ADAM7: variants seen among roughly 807,000 people sequenced by gnomAD.
The protein encoded by ADAM7 is disintegrin and metalloproteinase domain-containing protein 7.
Under a neutral mutation model 102.9 loss-of-function variants are expected in ADAM7, and 97 were observed. That is an observed-to-expected ratio of 0.94 (90% CI 0.80 to 1.12). ADAM7 has a LOEUF of 1.12. Among genes scored for constraint, ADAM7 ranks in the 50% most tolerant of loss-of-function variants. The pLI, the probability that ADAM7 is intolerant of heterozygous loss-of-function variation, is 0.00. For synonymous variants in ADAM7, 334 were observed against 304.4 expected, an observed-to-expected ratio of 1.10 and a Z score of -1.01; for missense variants, 991 against 908.7, an observed-to-expected ratio of 1.09 and a Z score of -1.16.
At chr8:24,485,147 A>G (rs1217583979) in intron 9 of ADAM7, 130 bp from the exon 10 acceptor site, 2 of 810,130 alleles carry the variant, frequency 2.5e-6, no homozygotes, top group Non-Finnish European at 4.0e-6. Flanking sequence ...CTCAATTCCA[A>G]AACTCCAGAA....
intron 9 of ADAM7, 81 bp from the exon 10 acceptor site, chr8:24,485,196 C>A: frequency 7.9e-7 from 1 of 1,271,082 alleles, no homozygotes; most frequent in Non-Finnish European, 1.1e-6. Flanking sequence ...ATTGGCATTG[C>A]TGGGGTTCAC....
At chr8:24,499,637 T>C (rs1452799557) in intron 17 of ADAM7, among the ~76,000 whole-genome samples, 6 of 152,156 alleles carry the variant, frequency 3.9e-5, no homozygotes, top group Admixed American at 3.3e-4. Flanking sequence ...ACATATCTTA[T>C]AGTTAAATTA....
chr8:24,482,975 T>G (rs1820011230), intron 9 of ADAM7, among the ~76,000 whole-genome samples: 1 of 152,100 alleles, frequency 6.6e-6, no homozygotes, highest in Non-Finnish European at 1.5e-5. Flanking sequence ...TCTTCCAAAA[T>G]CTGCCTTTCT....
chr8:24,493,730 G>A (rs981329048), intron 16 of ADAM7, among the ~76,000 whole-genome samples: 6 of 152,136 alleles, frequency 3.9e-5, no homozygotes, highest in Non-Finnish European at 5.9e-5. Context: ...GGCTGACTTT[G>A]CTCAGAGAAG....
At chr8:24,496,425 G>A (rs1820555705) in intron 16 of ADAM7, among the ~76,000 whole-genome samples, 1 of 152,154 alleles carries the variant, frequency 6.6e-6, no homozygotes, top group Non-Finnish European at 1.5e-5. Context: ...GTAAGAAGAG[G>A]GCCAATGTCC....
chr8:24,467,836 G>A lies in ADAM7; in HGVS notation c.579+848G>A, dbSNP rs186848181. Among the ~76,000 whole-genome samples the A allele has an allele frequency of 3.4e-3, 519 of 151,988 alleles. 1 individual carries two copies. Among genetic ancestry groups the A allele is most frequent in the Middle Eastern group, 0.017 (5 of 294 alleles). ...TCCCAACACTTTGGGAGGCTGAGGC[G>A]GGCCGATCATCTGAGGTCAGAATTC... On this transcript the variant is annotated intron_variant, in intron 6 of 21. Transcript: ENST00000175238.
chr8:24,447,315 C>A (rs1818598596), intron 3 of ADAM7, 53 bp downstream of exon 3: 4 of 1,091,380 alleles, frequency 3.7e-6, no homozygotes, highest in Admixed American at 5.7e-5. Context: ...TTATGGTAAG[C>A]CAATTTTCGT....
intron 20 of ADAM7, among the ~76,000 whole-genome samples, chr8:24,503,236 T>C (rs1183409253): frequency 6.6e-6 from 1 of 152,136 alleles, no homozygotes; most frequent in Non-Finnish European, 1.5e-5. Flanking sequence ...TATGAAGATC[T>C]AAGAAAAATG....
chr8:24,485,026 G>A (rs1820088347), intron 9 of ADAM7, among the ~76,000 whole-genome samples: 3 of 151,756 alleles, frequency 2.0e-5, no homozygotes, highest in African/African-American at 2.4e-5. Context: ...GGATGGTCTC[G>A]ATCTCTTGAC....
chr8:24,503,714 A>G (rs893696051), intron 20 of ADAM7, among the ~76,000 whole-genome samples: 7 of 152,180 alleles, frequency 4.6e-5, no homozygotes, highest in African/African-American at 1.7e-4. Context: ...GGATGAGTTC[A>G]TGTCCTTTGC....
Position 24,452,407 on chromosome 8 carries a change from G to T in ADAM7, c.233+5145G>T, listed in dbSNP as rs1439453004. On this transcript the variant is annotated intron_variant, in intron 3 of 21. Transcript: ENST00000175238. ...TTGATCCCTTTACCATTATGTAATG[G>T]CCTTCTTTGTCTCTTTTGATCTTTG... Among the ~76,000 whole-genome samples, 604 of 148,146 alleles carry T rather than the reference G, an allele frequency of 4.1e-3. 3 individuals are homozygous for T. The highest frequency in any genetic ancestry group is 6.0e-3 in the Non-Finnish European group (399 of 66,442).
intron 4 of ADAM7, among the ~76,000 whole-genome samples, chr8:24,465,249 T>G (rs1819387240): frequency 6.6e-6 from 1 of 152,034 alleles, no homozygotes; most frequent in South Asian, 2.1e-4. Context: ...TTTTAACACA[T>G]GGAAATGATG....
At chr8:24,473,613 T>G (rs1819677499) in intron 7 of ADAM7, among the ~76,000 whole-genome samples, 1 of 152,080 alleles carries the variant, frequency 6.6e-6, no homozygotes, top group Non-Finnish European at 1.5e-5. Context: ...CCTGTAAGAG[T>G]GATTCCTTGA....
intron 16 of ADAM7, among the ~76,000 whole-genome samples, chr8:24,498,019 A>G (rs1159810888): frequency 2.0e-5 from 3 of 152,052 alleles, no homozygotes; most frequent in Non-Finnish European, 4.4e-5. Context: ...CTAATAAAAT[A>G]TATTGTAATA....
intron 16 of ADAM7, 151 bp from the exon 17 acceptor site, chr8:24,499,085 A>AC: frequency 1.7e-6 from 1 of 601,936 alleles, no homozygotes; most frequent in Non-Finnish European, 2.8e-6. Context: ...CAGTAGGAAA[A>AC]ATTACATAAC....
At position 24,470,709 on chromosome 8, in the gene ADAM7, A is replaced by C. The variant is rs1391197078; in HGVS notation, c.633+1889A>C. 2.6e-5 allele frequency among the ~76,000 whole-genome samples: 4 copies of C among 152,156 alleles called. No individual in the cohort carries two copies. In the East Asian group the frequency reaches 7.7e-4, roughly 29 times the overall value. The stretch of plus-strand genomic sequence containing the variant: ...TGTGTCTGTGGTGATGCTGGTGTAA[A>C]CAAACCTACTGCATTGCCAGTTGTA... On this transcript the variant is annotated intron_variant, in intron 7 of 21. Coordinates refer to ENST00000175238, the MANE Select transcript of ADAM7 (RefSeq NM_003817.4).
At chr8:24,500,346 C>T in intron 18 of ADAM7, 90 bp downstream of exon 18, 2 of 1,227,654 alleles carry the variant, frequency 1.6e-6, no homozygotes, top group South Asian at 1.4e-5. Flanking sequence ...TACTTATTTG[C>T]TGTGTTTTGA....
chr8:24,500,097 A>G (rs1820703721), intron 17 of ADAM7, 81 bp from the exon 18 acceptor site: 4 of 1,235,974 alleles, frequency 3.2e-6, no homozygotes, highest in Non-Finnish European at 4.6e-6. Context: ...TGTTTGATGT[A>G]GAGGTAGCAC....
At position 24,482,530 on chromosome 8, in the gene ADAM7, TTTAGCC is replaced by T. The variant is rs1819992067; in HGVS notation, c.875+221_875+226del. The stretch of plus-strand genomic sequence containing the variant: ...TAGGAGACCAAAGTAGAAGGATTGT[TTTAGCC>T]TAGGAGTTCAAGACCAGCCCCAGGC... On this transcript the variant is annotated intron_variant, in intron 9 of 21. Coordinates refer to ENST00000175238, the MANE Select transcript of ADAM7 (RefSeq NM_003817.4). Among the ~76,000 whole-genome samples the T allele has an allele frequency of 3.9e-5, 6 of 152,202 alleles. No homozygotes were observed. In the South Asian group the frequency reaches 1.2e-3, roughly 32 times the overall value.
Sources: gnomAD v4.1 joint callset for allele counts (sites outside exome capture counted in the v4.1 genomes callset) on GRCh38, gnomAD v4.1.1 for gene constraint, MANE v1.5 for transcripts, NCBI Gene and HGNC (gene_info 2026-07-23, HGNC 2026-07-21) for gene names.